The following WNK3 variants were observed in gnomAD, a reference collection of about 807,000 sequenced individuals.
WNK3 encodes the protein WNK lysine deficient protein kinase 3.
Under a neutral mutation model 116.7 loss-of-function variants are expected in WNK3, and 18 were observed. The observed-to-expected ratio is 0.15, with a 90% CI of 0.11 to 0.23. WNK3 has a LOEUF of 0.23. WNK3 is among the 10% of genes least tolerant of loss of function. WNK3 has a pLI of 1.00. For synonymous variants in WNK3, 404 were observed against 469.4 expected, an observed-to-expected ratio of 0.86 and a Z score of 1.80; for missense variants, 993 against 1,323.8, an observed-to-expected ratio of 0.75 and a Z score of 3.88.
At chrX:54,311,003 C>T in intron 3 of WNK3, 116 bp downstream of exon 3, 3 of 525,383 alleles carry the variant, frequency 5.7e-6, no homozygotes, top group East Asian at 7.9e-5. Context: ...GGTGTAGCCA[C>T]TGCGCCTGGC....
At chrX:54,213,764 G>C (rs1323956518) in intron 22 of WNK3, among the ~76,000 whole-genome samples, 1 of 109,002 alleles carries the variant, frequency 9.2e-6, no homozygotes, top group Non-Finnish European at 1.9e-5. Flanking sequence ...AAGAAAAAAA[G>C]AGAAGACAAA....
At chrX:54,282,865 T>A (rs1473956349) in intron 10 of WNK3, among the ~76,000 whole-genome samples, 1 of 111,780 alleles carries the variant, frequency 8.9e-6, no homozygotes, top group Non-Finnish European at 1.9e-5. Flanking sequence ...TTAAAACTCT[T>A]AGAAGAAAAT....
intron 10 of WNK3, among the ~76,000 whole-genome samples, chrX:54,289,405 G>A (rs1199621193): frequency 4.5e-5 from 5 of 110,897 alleles, no homozygotes; most frequent in Admixed American, 9.7e-5. Flanking sequence ...TGATAATTCC[G>A]CAGGTGGCCC....
chrX:54,230,780 G>A (rs1428409314), intron 21 of WNK3, among the ~76,000 whole-genome samples: 1 of 112,210 alleles, frequency 8.9e-6, no homozygotes, highest in African/African-American at 3.2e-5. Flanking sequence ...TCCTCCAACC[G>A]ATGAATGGAT....
At chrX:54,215,131 A>C (rs1449635880) in intron 22 of WNK3, among the ~76,000 whole-genome samples, 2 of 106,577 alleles carry the variant, frequency 1.9e-5, no homozygotes, top group East Asian at 5.9e-4. Flanking sequence ...AAAAAAAAAA[A>C]AAAAAAAACA....
exon 4 of WNK3, chrX:54,309,144 A>G: frequency 8.3e-7 from 1 of 1,211,505 alleles, no homozygotes; most frequent in South Asian, 1.8e-5. Flanking sequence ...CTAATCCTAG[A>G]TCACCAATCT....
exon 9 of WNK3, chrX:54,293,279 G>A: frequency 1.7e-6 from 2 of 1,205,630 alleles, no homozygotes; most frequent in Non-Finnish European, 2.2e-6. Flanking sequence ...CTGACTTGAA[G>A]TATCTGAATG....
intron 17 of WNK3, among the ~76,000 whole-genome samples, chrX:54,243,423 A>T (rs1330444408): frequency 1.9e-5 from 2 of 104,860 alleles, no homozygotes; most frequent in Non-Finnish European, 3.9e-5. Context: ...TCCGTCTCAA[A>T]AAAAAAAAAA....
chrX:54,238,757 A>G (rs1557150837), intron 18 of WNK3, 111 bp downstream of exon 18: 3 of 607,927 alleles, frequency 4.9e-6, no homozygotes, highest in Non-Finnish European at 7.2e-6. Flanking sequence ...GACATGTCAC[A>G]TACATGGGCT....
chrX:54,335,134 G>A (rs1050456933), intron 1 of WNK3, among the ~76,000 whole-genome samples: 1 of 109,514 alleles, frequency 9.1e-6, no homozygotes, highest in African/African-American at 3.3e-5. Context: ...GTGTGGTGGC[G>A]GGCACCTGTA....
At chrX:54,250,073 C>T (rs782678126) in exon 16 of WNK3, 8 of 1,201,925 alleles carry the variant, frequency 6.7e-6, no homozygotes, top group East Asian at 3.0e-5. Context: ...GGTTTCTTAT[C>T]GTCTGATTGA....
intron 10 of WNK3, among the ~76,000 whole-genome samples, chrX:54,261,917 C>G (rs1245270751): frequency 8.9e-6 from 1 of 111,738 alleles, no homozygotes; most frequent in Non-Finnish European, 1.9e-5. Flanking sequence ...AATGGAATTG[C>G]TAGACATTTT....
chrX:54,333,838 A>G (rs1248983701), intron 1 of WNK3, 46 bp from the exon 2 acceptor site: 1 of 416,233 alleles, frequency 2.4e-6, no homozygotes, highest in Non-Finnish European at 4.1e-6. Context: ...TACAAAGGAA[A>G]TCATTAAGGA....
intron 6 of WNK3, 22 bp from the exon 7 acceptor site, chrX:54,298,416 T>G: frequency 9.2e-7 from 1 of 1,083,499 alleles, no homozygotes; most frequent in Non-Finnish European, 1.3e-6. Context: ...AACATATATC[T>G]CATTATCAGT....
chrX:54,292,252 G>C (rs1454343613), intron 10 of WNK3, among the ~76,000 whole-genome samples: 1 of 111,638 alleles, frequency 9.0e-6, no homozygotes, highest in African/African-American at 3.3e-5. Flanking sequence ...TTCAAATCAG[G>C]CTGGAAAAGT....
chrX:54,325,768 A>T (rs906309121), intron 2 of WNK3, among the ~76,000 whole-genome samples: 4 of 108,914 alleles, frequency 3.7e-5, no homozygotes, highest in Non-Finnish European at 5.7e-5. Flanking sequence ...GTATTTTCCA[A>T]CTCATCATAG....
At chrX:54,267,660 C>T (rs1437321173) in intron 10 of WNK3, among the ~76,000 whole-genome samples, 2 of 109,543 alleles carry the variant, frequency 1.8e-5, no homozygotes, top group East Asian at 5.8e-4. Flanking sequence ...GTGGTGTGTG[C>T]CTGTAAGTGC....
chrX:54,339,001 CA>C (rs782133987), intron 1 of WNK3, among the ~76,000 whole-genome samples: 3,651 of 41,202 alleles, frequency 0.089, 81 homozygotes, highest in Middle Eastern at 0.19. Flanking sequence ...GACTCTGTCT[CA>C]AAAAAAAAAA....
In WNK3 at chrX:54,285,044, C is replaced by T. The variant is rs782702424; in HGVS notation, c.2037+7844G>A. ...TCAAAAACATGTTGAATCAGAGAAG[C>T]CTTACACAAGAATATATATTATATT... On this transcript the variant is annotated intron_variant, in intron 10 of 23. Coordinates refer to ENST00000354646, the Ensembl canonical transcript of WNK3. 2.7e-5 allele frequency among the ~76,000 whole-genome samples: 3 copies of T among 110,981 alleles called. No homozygotes were observed. In the South Asian group the frequency reaches 1.1e-3, roughly 42 times the overall value.
Sources: allele counts gnomAD v4.1 joint callset (sites outside exome capture counted in the v4.1 genomes callset), GRCh38; gene constraint gnomAD v4.1.1; transcripts MANE v1.5; gene names NCBI Gene and HGNC (gene_info 2026-07-23, HGNC 2026-07-21).